SEMA3C: variants seen among roughly 807,000 people sequenced by gnomAD.
The protein encoded by SEMA3C is semaphorin 3C.
SEMA3C carries 47 observed loss-of-function variants against 89.4 expected under a neutral mutation model. The ratio of observed to expected loss-of-function variants is 0.53; its 90% confidence interval spans 0.42 to 0.67. SEMA3C has a LOEUF of 0.67. Ranked by LOEUF, SEMA3C falls within the 30% of genes least tolerant of loss-of-function variation. The pLI, the probability that SEMA3C is intolerant of heterozygous loss-of-function variation, is 0.00. For synonymous variants in SEMA3C, 310 were observed against 320.2 expected, an observed-to-expected ratio of 0.97 and a Z score of 0.34; for missense variants, 839 against 929.1, an observed-to-expected ratio of 0.90 and a Z score of 1.26.
intron 6 of SEMA3C, 103 bp downstream of exon 6, chr7:80,810,508 C>CA (rs1449043457): frequency 3.9e-6 from 3 of 769,030 alleles, no homozygotes; most frequent in Non-Finnish European, 6.4e-6. Flanking sequence ...TTATTTTACT[C>CA]ACATACTATC....
chr7:80,825,331 C>T (rs565922680), intron 4 of SEMA3C, among the ~76,000 whole-genome samples: 1 of 152,178 alleles, frequency 6.6e-6, no homozygotes, highest in East Asian at 1.9e-4. Context: ...GTTGTATGGA[C>T]AAACAAAACC....
intron 2 of SEMA3C, chr7:80,915,795 T>A (rs1792258735): frequency 6.6e-6 from 1 of 150,428 alleles, no homozygotes; most frequent in African/African-American, 2.4e-5. Flanking sequence ...CACTCTGCTA[T>A]AGAAAGGTCT....
At chr7:80,748,606 A>C (rs377361263) in intron 17 of SEMA3C, among the ~76,000 whole-genome samples, 14 of 152,236 alleles carry the variant, frequency 9.2e-5, no homozygotes, top group African/African-American at 3.4e-4. Context: ...CTGGATTTGC[A>C]CACATCTTGT....
At chr7:80,814,081 T>G (rs1301740101) in intron 5 of SEMA3C, among the ~76,000 whole-genome samples, 1 of 138,732 alleles carries the variant, frequency 7.2e-6, no homozygotes, top group Non-Finnish European at 1.6e-5. Flanking sequence ...TCCTTTTTTT[T>G]TTCTTTTTTC....
chr7:80,870,113 T>G (rs777693358), intron 2 of SEMA3C, among the ~76,000 whole-genome samples: 14 of 152,172 alleles, frequency 9.2e-5, no homozygotes, highest in Non-Finnish European at 1.9e-4. Context: ...ATCTTATGTT[T>G]CCACTGCACG....
chr7:80,817,342 CAT>C (rs1789632314), intron 5 of SEMA3C, among the ~76,000 whole-genome samples: 1 of 151,904 alleles, frequency 6.6e-6, no homozygotes, highest in Non-Finnish European at 1.5e-5. Context: ...GATCAGTAGA[CAT>C]ATTTATTTTT....
chr7:80,801,242 T>C (rs1789200586), intron 9 of SEMA3C, among the ~76,000 whole-genome samples: 1 of 152,102 alleles, frequency 6.6e-6, no homozygotes, highest in African/African-American at 2.4e-5. Context: ...TATATTACTG[T>C]TTTAATTAAA....
chr7:80,898,445 C>T (rs539511784), intron 2 of SEMA3C, among the ~76,000 whole-genome samples: 1 of 152,158 alleles, frequency 6.6e-6, no homozygotes, highest in East Asian at 1.9e-4. Context: ...ATGAGTAACA[C>T]TGAATTCCAT....
At chr7:80,865,725 G>A (rs1021659586) in intron 2 of SEMA3C, among the ~76,000 whole-genome samples, 2 of 152,246 alleles carry the variant, frequency 1.3e-5, no homozygotes, top group Non-Finnish European at 2.9e-5. Context: ...AACCCGGGAG[G>A]GGGGGTTACA....
intron 16 of SEMA3C, among the ~76,000 whole-genome samples, chr7:80,750,884 T>G (rs889464648): frequency 6.6e-6 from 1 of 152,134 alleles, no homozygotes; most frequent in African/African-American, 2.4e-5. Flanking sequence ...ATGGTTAAAA[T>G]AGTAAATTTT....
intron 2 of SEMA3C, among the ~76,000 whole-genome samples, chr7:80,894,164 A>G (rs993401083): frequency 2.6e-5 from 4 of 152,314 alleles, no homozygotes; most frequent in African/African-American, 9.6e-5. Context: ...TTCATCCATG[A>G]ATACTGTAAT....
intron 2 of SEMA3C, among the ~76,000 whole-genome samples, chr7:80,865,919 GA>G (rs1319789358): frequency 1.3e-5 from 2 of 152,130 alleles, no homozygotes; most frequent in Non-Finnish European, 2.9e-5. Context: ...TGATCTTTCA[GA>G]AGATAATTCC....
intron 13 of SEMA3C, among the ~76,000 whole-genome samples, chr7:80,764,071 A>G (rs1562864448): frequency 6.6e-6 from 1 of 152,178 alleles, no homozygotes; most frequent in Non-Finnish European, 1.5e-5. Context: ...TGTATTACCT[A>G]AATCTAACAG....
intron 2 of SEMA3C, among the ~76,000 whole-genome samples, chr7:80,841,311 G>A (rs1029735788): frequency 1.3e-5 from 2 of 152,096 alleles, no homozygotes; most frequent in East Asian, 1.9e-4. Flanking sequence ...ACTATTGTGT[G>A]CCTGCATAGT....
At chr7:80,757,229 G>T (rs1788085959) in intron 15 of SEMA3C, among the ~76,000 whole-genome samples, 1 of 152,160 alleles carries the variant, frequency 6.6e-6, no homozygotes, top group African/African-American at 2.4e-5. Context: ...GCTACTATTT[G>T]CTCCCTCTGC....
rs2117014590 is a variant in SEMA3C, at chr7:80,742,552, T to G, written c.*2342A>C. The G allele has an allele frequency of 6.6e-6, 1 of 152,178 alleles. No homozygotes were observed. Among genetic ancestry groups the G allele is most frequent in the East Asian group, 1.9e-4 (1 of 5,190 alleles). 9.4% of individuals were successfully genotyped at this position (152,178 alleles called of 1,614,324 possible). A position where few individuals can be genotyped will look rare whatever the true frequency, so the allele number is the denominator to read the frequency against. ...AGAAACATAACTGGGGAATTCAACA[T>G]GTTTTATTTTGCCAGGCCAATGATT... On this transcript the variant is annotated 3_prime_UTR_variant, in exon 18 of 18. Coordinates refer to ENST00000265361, the MANE Select transcript of SEMA3C (RefSeq NM_006379.5).
At chr7:80,849,181 T>G (rs55781912) in intron 2 of SEMA3C, among the ~76,000 whole-genome samples, 11,693 of 152,240 alleles carry the variant, frequency 0.077, 583 homozygotes, top group South Asian at 0.12. Context: ...ACAGTAATCT[T>G]CTTTACTGTT....
intron 12 of SEMA3C, among the ~76,000 whole-genome samples, chr7:80,772,760 T>C (rs1283507836): frequency 6.6e-6 from 1 of 152,184 alleles, no homozygotes; most frequent in Admixed American, 6.5e-5. Context: ...TAAAATACTT[T>C]GTTGCATTAT....
At chr7:80,768,391 G>A (rs1788351365) in intron 12 of SEMA3C, among the ~76,000 whole-genome samples, 1 of 152,134 alleles carries the variant, frequency 6.6e-6, no homozygotes, top group African/African-American at 2.4e-5. Flanking sequence ...GCAGGCGCCT[G>A]TAGTCCTAGC....
Sources: gnomAD v4.1 joint callset for allele counts (sites outside exome capture counted in the v4.1 genomes callset) on GRCh38, gnomAD v4.1.1 for gene constraint, MANE v1.5 for transcripts, NCBI Gene and HGNC (gene_info 2026-07-23, HGNC 2026-07-21) for gene names.